The following HOMER2 variants were observed in gnomAD, a reference collection of about 807,000 sequenced individuals.
HOMER2 encodes homer protein homolog 2.
In HOMER2, 27 loss-of-function variants were observed where a neutral mutation model predicts 47.0. That is an observed-to-expected ratio of 0.57 (90% CI 0.42 to 0.79). The LOEUF (loss-of-function observed/expected upper bound fraction) is 0.79. HOMER2 is among the 30% of genes least tolerant of loss of function. HOMER2 has a pLI of 0.00. For missense variants in HOMER2, 443 were observed against 435.0 expected (o/e 1.02, Z -0.16); for synonymous variants, 161 against 163.8 (o/e 0.98, Z 0.13).
chr15:82,849,371 T>A lies in HOMER2; in HGVS notation c.*344A>T. ...GCCTGATGGCTTGGTGTAAAGAATA[T>A]CAATATTTGGATTACAAAATGCGTG... On this transcript the variant is annotated 3_prime_UTR_variant, in exon 9 of 9. Transcript: ENST00000450735. The A allele has an allele frequency of 4.3e-6, 1 of 231,014 alleles. No homozygotes were observed. The highest frequency in any genetic ancestry group is 8.4e-6 in the Non-Finnish European group (1 of 118,698). 14.3% of individuals were successfully genotyped at this position (231,014 alleles called of 1,614,324 possible). A position where few individuals can be genotyped will look rare whatever the true frequency, so the allele number is the denominator to read the frequency against.
In HOMER2 at chr15:82,910,132, C is replaced by CAAAAA. The variant is rs35191408; in HGVS notation, c.6-17296_6-17292dup. Among the ~76,000 whole-genome samples, 23 of 22,128 alleles carry CAAAAA rather than the reference C, an allele frequency of 1.0e-3. 1 individual carries two copies. The highest frequency in any genetic ancestry group is 2.7e-3 in the African/African-American group (22 of 8,224). 14.5% of individuals were successfully genotyped at this position (22,128 alleles called of 152,430 possible). On this transcript the variant is annotated intron_variant, in intron 1 of 8. Coordinates refer to ENST00000450735, the MANE Select transcript of HOMER2 (RefSeq NM_004839.4). ...TGGGTAACAGAGCAAGATTCTGTCT[C>CAAAAA]AAAAAAAAAAAAAAAAAAAAAAAAA... is the stretch of plus-strand genomic sequence containing the variant.
At chr15:82,848,088 CCCAG>C (rs1267022992), downstream of HOMER2, among the ~76,000 whole-genome samples, 1 of 152,202 alleles carries the variant, frequency 6.6e-6, no homozygotes. Context: ...GCTCCAGATG[CCCAG>C]CCTTCCCTTC....
chr15:82,954,589 G>A (rs1472692379), upstream of HOMER2, among the ~76,000 whole-genome samples: 1 of 148,854 alleles, frequency 6.7e-6, no homozygotes, highest in Non-Finnish European at 1.5e-5. Context: ...GTGCCTGGCC[G>A]AGTTTTTCAT....
Position 82,952,548 on chromosome 15 carries a change from T to A in HOMER2, c.-13A>T. ...TCACTCACCCCATCTCCGGCGCTGC[T>A]CCGGCGGCCGCTCCGACGGGGCCTC... On this transcript the variant is annotated 5_prime_UTR_variant, in exon 1 of 9. Transcript: ENST00000450735. 1 of 1,179,872 alleles carries A rather than the reference T, an allele frequency of 8.5e-7. No individual in the cohort carries two copies. Among genetic ancestry groups the A allele is most frequent in the Non-Finnish European group, 1.0e-6 (1 of 954,622 alleles). 73.1% of individuals were successfully genotyped at this position (1,179,872 alleles called of 1,614,324 possible).
At chr15:82,985,095 G>C (rs541071221) in intron 1 of HOMER2, among the ~76,000 whole-genome samples, 1 of 152,120 alleles carries the variant, frequency 6.6e-6, no homozygotes, top group African/African-American at 2.4e-5. Flanking sequence ...GAGGGGGAGA[G>C]ACAGGTATTT....
chr15:82,972,117 G>A (rs1052049554), intron 1 of HOMER2, among the ~76,000 whole-genome samples: 2 of 152,166 alleles, frequency 1.3e-5, no homozygotes, highest in Non-Finnish European at 2.9e-5. Flanking sequence ...CATTTATGGA[G>A]TGTGCAGCCA....
chr15:82,914,018 C>G (rs1310482684), intron 1 of HOMER2, among the ~76,000 whole-genome samples: 1 of 152,166 alleles, frequency 6.6e-6, no homozygotes, highest in East Asian at 1.9e-4. Flanking sequence ...ATGTGGCATA[C>G]ACATAGAATC....
chr15:82,854,764 C>G lies in HOMER2; in HGVS notation c.531G>C (p.Gln177His). 6.2e-7 allele frequency: 1 copy of G among 1,611,500 alleles called. No homozygotes were observed. The highest frequency in any genetic ancestry group is 8.5e-7 in the Non-Finnish European group (1 of 1,179,768). Residue 177 changes from glutamine to histidine, a missense_variant, in exon 6 of 9, where the codon CAG (glutamine) becomes CAC (histidine). Transcript: ENST00000450735. The stretch of plus-strand genomic sequence containing the variant: ...GCCGTGCATTGCTCTCCCGAAGGGT[C>G]TGCAGCTCGATCTCCCACTTCTTCA... ...ANVKKWEIEL[Q>H]TLRESNARLT...
chr15:82,977,541 G>C (rs896829777), intron 1 of HOMER2, among the ~76,000 whole-genome samples: 21 of 144,610 alleles, frequency 1.5e-4, no homozygotes, highest in Non-Finnish European at 2.7e-4. Context: ...AGCTGGAGGA[G>C]ACCTTAGAAA....
chr15:82,849,675 C>A lies in HOMER2; in HGVS notation c.*40G>T, dbSNP rs374705092. The A allele has an allele frequency of 1.9e-6, 3 of 1,578,292 alleles. No individual in the cohort carries two copies. The highest frequency in any genetic ancestry group is 2.6e-6 in the Non-Finnish European group (3 of 1,157,478). On this transcript the variant is annotated 3_prime_UTR_variant, in exon 9 of 9. Transcript: ENST00000450735. ...CTAGAGCTATCTGGTCTCGCACACA[C>A]GCTTGGGACTCACGGGCGGGGCCTG...
At chr15:82,845,222 ACACAC>A (rs2051223550), downstream of HOMER2, 1 of 33,754 alleles carries the variant, frequency 3.0e-5, no homozygotes, top group Non-Finnish European at 6.7e-5. Flanking sequence ...GTTTCTTCAC[ACACAC>A]ACACACACAC....
rs68038013 is a variant in HOMER2 at position 82,897,065 on chromosome 15, C to CTTTTTTTT, written c.6-4232_6-4225dup. 3.6e-4 allele frequency among the ~76,000 whole-genome samples: 37 copies of CTTTTTTTT among 101,826 alleles called. 2 individuals are homozygous for CTTTTTTTT. Among genetic ancestry groups the CTTTTTTTT allele is most frequent in the East Asian group, 1.3e-3 (4 of 3,136 alleles). 66.8% of individuals were successfully genotyped at this position (101,826 alleles called of 152,430 possible). The stretch of plus-strand genomic sequence containing the variant: ...ACAGGTCTGAAATTTGATGTCATTT[C>CTTTTTTTT]TTTTTTTTTTTTTTTTTTTTAGATG... On this transcript the variant is annotated intron_variant, in intron 1 of 8. Transcript: ENST00000450735.
In HOMER2 at chr15:82,911,985, G is replaced by A. The variant is rs559724639; in HGVS notation, c.6-19144C>T. The stretch of plus-strand genomic sequence containing the variant: ...GCGGAGGTTGCAGTGAGCCAAGATC[G>A]CACCACTGCACTCCAGCCTGGGCAA... On this transcript the variant is annotated intron_variant, in intron 1 of 8. Transcript: ENST00000450735. 5.9e-5 allele frequency among the ~76,000 whole-genome samples: 9 copies of A among 152,182 alleles called. No homozygotes were observed. The East Asian group carries it at 7.7e-4, about 13-fold the overall frequency.
chr15:82,872,084 T>C (rs1329077551), intron 3 of HOMER2, among the ~76,000 whole-genome samples: 1 of 152,072 alleles, frequency 6.6e-6, no homozygotes, highest in Non-Finnish European at 1.5e-5. Context: ...TGCCAGGATA[T>C]GAGGCAGGTG....
chr15:82,856,670 GAA>G (rs1275895859), intron 5 of HOMER2, among the ~76,000 whole-genome samples: 1 of 152,186 alleles, frequency 6.6e-6, no homozygotes, highest in Non-Finnish European at 1.5e-5. Context: ...TGATGAGTAA[GAA>G]AAGAGACTGG....
chr15:82,952,589 GCCCGCTCGGCAGCCGCTC>G lies in HOMER2; in HGVS notation c.-72_-55del. ...ACGGGGCCTCTCGCGCTCGCTCTCC[GCCCGCTCGGCAGCCGCTC>G]CCCGCGCGGCACATGCGGCGGCCCG... On this transcript the variant is annotated 5_prime_UTR_variant, in exon 1 of 9. Coordinates refer to ENST00000450735, the MANE Select transcript of HOMER2 (RefSeq NM_004839.4). 1.8e-6 allele frequency: 2 copies of G among 1,140,402 alleles called. No individual in the cohort carries two copies. Among genetic ancestry groups the G allele is most frequent in the Non-Finnish European group, 2.2e-6 (2 of 929,684 alleles). 70.6% of individuals were successfully genotyped at this position (1,140,402 alleles called of 1,614,324 possible).
rs551211580 is a variant in HOMER2, at chr15:82,972,758, G to A, written n.82+13029C>T. On this transcript the variant is annotated intron_variant and non_coding_transcript_variant, in intron 1 of 1. Coordinates refer to the HOMER2 transcript ENST00000500334. Reference sequence around the variant, plus strand: ...GAAAATGGAGATTGCCTCAAGTGCTGGCACAGCAGGAATTTCAAAGCCTCA... The same window carrying A: ...GAAAATGGAGATTGCCTCAAGTGCTAGCACAGCAGGAATTTCAAAGCCTCA... Among the ~76,000 whole-genome samples, 15 of 152,314 alleles carry A rather than the reference G, an allele frequency of 9.8e-5. No homozygotes were observed. The South Asian group carries it at 3.1e-3, about 32-fold the overall frequency.
chr15:82,984,309 G>A (rs1239760059), intron 1 of HOMER2, among the ~76,000 whole-genome samples: 1 of 152,110 alleles, frequency 6.6e-6, no homozygotes, highest in Non-Finnish European at 1.5e-5. Flanking sequence ...TGGGATTACA[G>A]GCGTGAGCCA....
chr15:82,952,439 C>T, intron 1 of HOMER2, 92 bp downstream of exon 1: 1 of 948,562 alleles, frequency 1.1e-6, no homozygotes, highest in Non-Finnish European at 1.3e-6. Flanking sequence ...GGGGCCGGCC[C>T]GCCGGGAGGC....
Sources: allele counts gnomAD v4.1 joint callset (sites outside exome capture counted in the v4.1 genomes callset), GRCh38; gene constraint gnomAD v4.1.1; transcripts MANE v1.5; gene names NCBI Gene and HGNC (gene_info 2026-07-23, HGNC 2026-07-21).